Variants in CELSR1 observed in about 807,000 individuals in gnomAD.
CELSR1 encodes the protein adhesion G protein-coupled receptor C1.
Under a neutral mutation model 249.1 loss-of-function variants are expected in CELSR1, and 110 were observed. That is an observed-to-expected ratio of 0.44 (90% CI 0.38 to 0.52). CELSR1 has a LOEUF of 0.52. CELSR1 is among the 20% of genes least tolerant of loss of function. CELSR1 has a pLI of 0.00. For missense variants in CELSR1, 4,109 were observed against 4,296.4 expected (o/e 0.96, Z 1.22); for synonymous variants, 2,113 against 1,900.0 (o/e 1.11, Z -2.92).
chr22:46,488,385 C>T lies in CELSR1; in HGVS notation c.3545-24040G>A, dbSNP rs2080335986. Among the ~76,000 whole-genome samples the T allele has an allele frequency of 6.6e-6, 1 of 152,148 alleles. No individual in the cohort carries two copies. Among genetic ancestry groups the T allele is most frequent in the African/African-American group, 2.4e-5 (1 of 41,414 alleles). On this transcript the variant is annotated intron_variant, in intron 1 of 34. Coordinates refer to ENST00000674500, the MANE Select transcript of CELSR1 (RefSeq NM_001378328.1). This position sits in a 1 kb window ranked among gnomAD's most constrained non-coding sequence, Gnocchi z 4.7. ...TCCTGCTCCTAAGCCCGCAGCTTCC[C>T]TGCTCGCCTACAGCCGGCGAGTGCA...
chr22:46,394,790 C>T (rs533606508), intron 13 of CELSR1, among the ~76,000 whole-genome samples: 10 of 152,300 alleles, frequency 6.6e-5, no homozygotes, highest in African/African-American at 1.9e-4. Context: ...GGCATGCGCC[C>T]GTGCACTCGG....
At position 46,364,072 on chromosome 22, in the gene CELSR1, G is replaced by C. The variant is rs753366816; in HGVS notation, c.8959C>G (p.Pro2987Ala). 3.7e-6 allele frequency: 6 copies of C among 1,612,198 alleles called. No individual in the cohort carries two copies. The highest frequency in any genetic ancestry group is 5.1e-6 in the Non-Finnish European group (6 of 1,179,678). ...ACCCCGTTGAGGTGGTCACGCCCCG[G>C]CTCCCTCCCAGGGCTCTTGACTGTG... ...AITVKSPGRE[P>A]GRDHLNGVAM... Residue 2987 changes from proline (P) to alanine (A), a missense_variant, in exon 34 of 35, where the codon CCG (proline) becomes GCG (alanine). By Grantham distance (27) the Pro-to-Ala change is conservative. This residue lies in a region of CELSR1 where 1,805 missense variants were observed against 1,831.6 expected (regional missense o/e 0.99). Coordinates refer to ENST00000674500, the MANE Select transcript of CELSR1 (RefSeq NM_001378328.1).
chr22:46,437,086 A>C lies in CELSR1; in HGVS notation c.4407-797T>G, dbSNP rs1424477235. On this transcript the variant is annotated intron_variant, in intron 3 of 34. Transcript: ENST00000674500. This position sits in a 1 kb window ranked among gnomAD's most constrained non-coding sequence, Gnocchi z 4.9. The stretch of plus-strand genomic sequence containing the variant: ...GTGCTTAATATGGGCTGTTTGAATA[A>C]ATGAAAGGAAGAGGCATGAACAGAC... Among the ~76,000 whole-genome samples the C allele has an allele frequency of 6.6e-6, 1 of 152,216 alleles. No individual in the cohort carries two copies. The highest frequency in any genetic ancestry group is 1.9e-4 in the East Asian group (1 of 5,196).
In CELSR1 at chr22:46,535,550, G is replaced by T. The variant is rs560005350; in HGVS notation, c.1621C>A (p.Arg541=). 6.2e-7 allele frequency: 1 copy of T among 1,613,272 alleles called. No individual in the cohort carries two copies. The highest frequency in any genetic ancestry group is 8.5e-7 in the Non-Finnish European group (1 of 1,180,014). The part of the protein sequence containing the change: ...SLSIKAQDGG[R]PPLINSSGVV... ...CCTGAAGAATTGATGAGCGGGGGCC[G>T]GCCCCCATCCTGGGCCTTAATGCTC... Residue 541 remains arginine (R), a synonymous_variant, in exon 1 of 35, where the codon CGG becomes AGG. Coordinates refer to ENST00000674500, the MANE Select transcript of CELSR1 (RefSeq NM_001378328.1).
chr22:46,368,184 G>C (rs998634810), intron 27 of CELSR1, among the ~76,000 whole-genome samples: 1 of 152,196 alleles, frequency 6.6e-6, no homozygotes, highest in Non-Finnish European at 1.5e-5. Flanking sequence ...GAGATACCCT[G>C]TGGAGAGGCA....
intron 5 of CELSR1, among the ~76,000 whole-genome samples, chr22:46,432,418 T>C (rs1350109298): frequency 6.6e-6 from 1 of 152,102 alleles, no homozygotes; most frequent in East Asian, 1.9e-4. Flanking sequence ...CAACCAAGCT[T>C]AGGCCCCAGC....
intron 2 of CELSR1, among the ~76,000 whole-genome samples, chr22:46,449,856 A>G (rs1351244126): frequency 6.6e-6 from 1 of 152,186 alleles, no homozygotes; most frequent in African/African-American, 2.4e-5. Context: ...CTCCTCGCCA[A>G]GCCCTTTCCA....
intron 26 of CELSR1, 81 bp from the exon 27 acceptor site, chr22:46,369,339 G>C: frequency 8.1e-7 from 1 of 1,228,496 alleles, no homozygotes; most frequent in Non-Finnish European, 1.2e-6. Context: ...GAGGCCCTTC[G>C]CCCTGTCAGG....
intron 1 of CELSR1, among the ~76,000 whole-genome samples, chr22:46,475,314 C>T (rs188993702): frequency 9.9e-5 from 15 of 152,216 alleles, no homozygotes; most frequent in Non-Finnish European, 1.5e-4. Context: ...CCCTGACACA[C>T]GCTACAACAC....
rs148017881 is a variant in CELSR1 at position 46,533,017 on chromosome 22, G to A, written c.3544+610C>T. 9.2e-4 allele frequency among the ~76,000 whole-genome samples: 140 copies of A among 152,248 alleles called. 3 individuals are homozygous for A. In the East Asian group the frequency reaches 0.023, roughly 25 times the overall value. The stretch of plus-strand genomic sequence containing the variant: ...TCAACAGCACCCAAATTACAAGCCC[G>A]CATCCAGGAGCAGAAGCCAAGATCA... On this transcript the variant is annotated intron_variant, in intron 1 of 34. Transcript: ENST00000674500.
At chr22:46,451,094 G>GCACC (rs1174986864) in intron 2 of CELSR1, among the ~76,000 whole-genome samples, 1 of 152,066 alleles carries the variant, frequency 6.6e-6, no homozygotes, top group East Asian at 1.9e-4. Context: ...CTGTCTGTCA[G>GCACC]CACCCACGTC....
At chr22:46,386,023 G>A (rs542865392) in intron 19 of CELSR1, among the ~76,000 whole-genome samples, 10 of 148,836 alleles carry the variant, frequency 6.7e-5, no homozygotes, top group African/African-American at 2.5e-4. Flanking sequence ...ATGCTGGAGT[G>A]CAATGGCGCA....
chr22:46,381,040 G>T lies in CELSR1; in HGVS notation c.7089-85C>A. ...CCGCGCACAAATGCCCTGAGGACACGCCATGATGTGTTTCTAGGGGAGACA... is the reference window on the plus strand; with the variant it reads ...CCGCGCACAAATGCCCTGAGGACACTCCATGATGTGTTTCTAGGGGAGACA... On this transcript the variant is annotated intron_variant, in intron 21 of 34. Coordinates refer to ENST00000674500, the MANE Select transcript of CELSR1 (RefSeq NM_001378328.1). This position sits in a 1 kb window ranked among gnomAD's most constrained non-coding sequence, Gnocchi z 6.0. 1 of 1,374,552 alleles carries T rather than the reference G, an allele frequency of 7.3e-7. No homozygotes were observed. Among genetic ancestry groups the T allele is most frequent in the Non-Finnish European group, 1.0e-6 (1 of 994,854 alleles). The allele number at this position is 1,374,552 out of a possible 1,614,324, so 85.1% of individuals were successfully genotyped here. A position where few individuals can be genotyped will look rare whatever the true frequency, so the allele number is the denominator to read the frequency against.
chr22:46,493,820 C>T (rs1569201176), intron 1 of CELSR1, among the ~76,000 whole-genome samples: 1 of 152,166 alleles, frequency 6.6e-6, no homozygotes. Context: ...TCCTCCTTTG[C>T]TTTCCACCAT....
Position 46,362,243 on chromosome 22 carries a change from G to A in CELSR1, c.*980C>T, listed in dbSNP as rs1222875675. On this transcript the variant is annotated 3_prime_UTR_variant, in exon 35 of 35. Transcript: ENST00000674500. ...CGGGCCACCTGGGAGGCGGTGAGGG[G>A]AGGGGGTGGTGGTCACAGAATGACC... is the stretch of plus-strand genomic sequence containing the variant. The A allele has an allele frequency of 6.6e-6, 1 of 152,328 alleles. No homozygotes were observed. The highest frequency in any genetic ancestry group is 2.4e-5 in the African/African-American group (1 of 41,482). The allele number at this position is 152,328 out of a possible 1,614,324, so 9.4% of individuals were successfully genotyped here. A position where few individuals can be genotyped will look rare whatever the true frequency, so the allele number is the denominator to read the frequency against.
At chr22:46,371,685 C>T (rs2078852825) in intron 25 of CELSR1, among the ~76,000 whole-genome samples, 1 of 150,318 alleles carries the variant, frequency 6.7e-6, no homozygotes, top group South Asian at 2.1e-4. Flanking sequence ...CCATCCTATT[C>T]ATATCCACTG....
chr22:46,504,001 C>T lies in CELSR1; in HGVS notation c.3544+29626G>A, dbSNP rs371471163. ...TGAGCTATGACAGTACCATGCACTCCGGCCTGGGCAACAGAGCAAGACCTT... is the reference window on the plus strand; with the variant it reads ...TGAGCTATGACAGTACCATGCACTCTGGCCTGGGCAACAGAGCAAGACCTT... On this transcript the variant is annotated intron_variant, in intron 1 of 34. Coordinates refer to ENST00000674500, the MANE Select transcript of CELSR1 (RefSeq NM_001378328.1). Among the ~76,000 whole-genome samples the T allele has an allele frequency of 4.6e-5, 7 of 152,224 alleles. No homozygotes were observed. In the East Asian group the frequency reaches 1.2e-3, roughly 25 times the overall value.
rs1281678798 is a variant in CELSR1, at chr22:46,381,943, C to T, written c.6991G>A (p.Asp2331Asn). 2 of 1,566,348 alleles carry T rather than the reference C, an allele frequency of 1.3e-6. No individual in the cohort carries two copies. The highest frequency in any genetic ancestry group is 1.9e-5 in the Admixed American group (1 of 53,918). ...APISRRRRHP[D>N]DAGQFAVALV... ...GCGACGGCGAACTGGCCAGCGTCAT[C>T]AGGGTGTCGCCTCCGCCTGCTGATC... is the stretch of plus-strand genomic sequence containing the variant. Residue 2331 changes from aspartate (D) to asparagine (N), a missense_variant, in exon 21 of 35, where the codon GAT (aspartate) becomes AAT (asparagine). Around this residue, in one of 7 missense-constraint regions of CELSR1, gnomAD observed 1,805 missense variants for 1,831.6 expected, o/e 0.99. Transcript: ENST00000674500. The surrounding 1 kb of genome is among the most constrained non-coding windows in gnomAD (Gnocchi z 6.0).
In CELSR1 at chr22:46,468,117, G is replaced by C. The variant is rs2147608493; in HGVS notation, c.3545-3772C>G. On this transcript the variant is annotated intron_variant, in intron 1 of 34. Coordinates refer to ENST00000674500, the MANE Select transcript of CELSR1 (RefSeq NM_001378328.1). The surrounding 1 kb of genome is among the most constrained non-coding windows in gnomAD (Gnocchi z 4.5). ...AAACAATGTGGTCTGGCCAGGTGTG[G>C]TGGCTTACACCTGTAATCACAGCAC... Among the ~76,000 whole-genome samples the C allele has an allele frequency of 6.6e-6, 1 of 152,154 alleles. No individual in the cohort carries two copies. The highest frequency in any genetic ancestry group is 2.4e-5 in the African/African-American group (1 of 41,504).
Sources: allele counts gnomAD v4.1 joint callset (sites outside exome capture counted in the v4.1 genomes callset), GRCh38; gene constraint gnomAD v4.1.1; regional missense constraint gnomAD v4.1.1; non-coding constraint Gnocchi (gnomAD v3.1); transcripts MANE v1.5; gene names NCBI Gene and HGNC (gene_info 2026-07-23, HGNC 2026-07-21).